The following CHD6 variants were observed in gnomAD, a reference collection of about 807,000 sequenced individuals.
The protein encoded by CHD6 is chromodomain helicase DNA binding protein 6, also known as ATP-dependent chromatin remodeler CHD6.
In CHD6, 50 loss-of-function variants were observed where a neutral mutation model predicts 276.9. The ratio of observed to expected loss-of-function variants is 0.18; its 90% CI spans 0.14 to 0.23. The LOEUF is 0.23. Among genes scored for constraint, CHD6 ranks in the 10% least tolerant of loss-of-function variants. The probability of loss-of-function intolerance (pLI) is 1.00; values close to 1 mark genes in which losing one functional copy is unlikely to be tolerated. For synonymous variants in CHD6, 1,173 were observed against 1,229.3 expected, an observed-to-expected ratio of 0.95 and a Z score of 0.96; for missense variants, 2,564 against 3,365.8, an observed-to-expected ratio of 0.76 and a Z score of 5.89.
chr20:41,417,168 G>A, intron 32 of CHD6, 30 bp downstream of exon 32: 2 of 1,592,720 alleles, frequency 1.3e-6, no homozygotes, highest in Non-Finnish European at 1.7e-6. Flanking sequence ...TGGTTTGGGG[G>A]TAGGGTGGGA....
chr20:41,512,613 T>TA (rs1011834745), intron 5 of CHD6, among the ~76,000 whole-genome samples: 6 of 152,018 alleles, frequency 3.9e-5, no homozygotes, highest in African/African-American at 1.2e-4. Context: ...ATTGTTTATC[T>TA]AAAAAAATGA....
chr20:41,518,637 T>G (rs2044310678), intron 3 of CHD6, among the ~76,000 whole-genome samples: 1 of 152,200 alleles, frequency 6.6e-6, no homozygotes. Flanking sequence ...GATACTCTAC[T>G]TGGGAAATCT....
intron 31 of CHD6, among the ~76,000 whole-genome samples, chr20:41,420,116 T>C (rs1438822915): frequency 2.6e-5 from 4 of 152,240 alleles, no homozygotes; most frequent in Non-Finnish European, 1.5e-5. Context: ...CCTGAAAAAT[T>C]AACTGCCCCT....
intron 29 of CHD6, among the ~76,000 whole-genome samples, chr20:41,424,832 T>C (rs973434986): frequency 7.2e-5 from 11 of 152,244 alleles, no homozygotes. Context: ...CAGTGCATAC[T>C]GTTCCCTTTG....
chr20:41,572,192 C>T (rs941953253), intron 1 of CHD6, among the ~76,000 whole-genome samples: 4 of 152,208 alleles, frequency 2.6e-5, no homozygotes, highest in African/African-American at 9.7e-5. Context: ...TGATGCTAAA[C>T]CTGGTCAGCA....
At chr20:41,470,071 C>T (rs147643284) in intron 17 of CHD6, among the ~76,000 whole-genome samples, 13 of 152,152 alleles carry the variant, frequency 8.5e-5, no homozygotes, top group Non-Finnish European at 1.5e-4. Flanking sequence ...TGCCAAGGGG[C>T]GTGGGAATGT....
At chr20:41,469,280 G>A (rs1245213853) in intron 17 of CHD6, among the ~76,000 whole-genome samples, 1 of 152,142 alleles carries the variant, frequency 6.6e-6, no homozygotes, top group African/African-American at 2.4e-5. Context: ...GCAGCAGGAA[G>A]GACGCAGAAC....
chr20:41,463,744 T>A (rs1436259998), intron 17 of CHD6, among the ~76,000 whole-genome samples: 1 of 152,214 alleles, frequency 6.6e-6, no homozygotes. Context: ...TGACCCTGGA[T>A]TGAATCCTGG....
chr20:41,529,348 C>T (rs192530899), intron 3 of CHD6, among the ~76,000 whole-genome samples: 34 of 152,164 alleles, frequency 2.2e-4, no homozygotes, highest in African/African-American at 6.0e-4. Context: ...CAATTAATGA[C>T]GGGAAAAGTA....
In CHD6 at chr20:41,491,814, C is replaced by T; in HGVS notation, c.1320G>A (p.Arg440=). The T allele has an allele frequency of 6.2e-7, 1 of 1,613,764 alleles. No individual in the cohort carries two copies. The highest frequency in any genetic ancestry group is 8.5e-7 in the Non-Finnish European group (1 of 1,179,762). ...GTTTCTGCCAGGAGTCTGAAGCAGGCCGCTCCTAGGGAGGAAAGCAAACAG... is the reference window on the plus strand; with the variant it reads ...GTTTCTGCCAGGAGTCTGAAGCAGGTCGCTCCTAGGGAGGAAAGCAAACAG... ...QVLPEIKHVE[R]PASDSWQKLE... Residue 440 remains arginine (R), a synonymous_variant, in exon 11 of 37, where the codon CGG becomes CGA. Transcript: ENST00000373233.
intron 1 of CHD6, among the ~76,000 whole-genome samples, chr20:41,554,962 CA>C (rs1170007735): frequency 6.6e-6 from 1 of 151,428 alleles, no homozygotes; most frequent in Non-Finnish European, 1.5e-5. Flanking sequence ...GGCAGCCGGG[CA>C]GAGGCGCCCC....
In CHD6 at chr20:41,491,760, A is replaced by G; in HGVS notation, c.1374T>C (p.Ser458=). The G allele has an allele frequency of 6.2e-7, 1 of 1,613,856 alleles. No individual in the cohort carries two copies. The highest frequency in any genetic ancestry group is 1.3e-5 in the African/African-American group (1 of 75,032). The change falls in exon 11 of 37, where the codon AGT becomes AGC. Residue 458 remains serine (S), a synonymous_variant. Transcript: ENST00000373233. ...CCAGCTGGTACTCCCGGAGCTGGTT[A>G]CTGTTCTTATACTCGCGAGACTTCT... ...KLEKSREYKN[S]NQLREYQLEG...
chr20:41,597,219 T>G (rs1013773240), intron 1 of CHD6, among the ~76,000 whole-genome samples: 2 of 152,160 alleles, frequency 1.3e-5, no homozygotes, highest in African/African-American at 4.8e-5. Context: ...TTCTGTTTCT[T>G]TTATCTCAAG....
At chr20:41,417,504 C>G (rs554959896) in intron 31 of CHD6, among the ~76,000 whole-genome samples, 155 bp from the exon 32 acceptor site, 1 of 152,172 alleles carries the variant, frequency 6.6e-6, no homozygotes, top group African/African-American at 2.4e-5. Context: ...TCTTCTATTT[C>G]CAGGAGAACC....
At chr20:41,591,377 T>TACACACACAAAC (rs879822257) in intron 1 of CHD6, among the ~76,000 whole-genome samples, 2 of 122,910 alleles carry the variant, frequency 1.6e-5, no homozygotes, top group Non-Finnish European at 3.1e-5. Flanking sequence ...TATATATATA[T>TACACACACAAAC]ATACACACAC....
At chr20:41,470,039 A>G (rs1321102839) in intron 17 of CHD6, among the ~76,000 whole-genome samples, 2 of 152,240 alleles carry the variant, frequency 1.3e-5, no homozygotes, top group African/African-American at 4.8e-5. Flanking sequence ...CTATATTTAT[A>G]GCACGTGGGT....
At chr20:41,487,861 C>T (rs2043454831) in intron 13 of CHD6, 53 bp from the exon 14 acceptor site, 21 of 1,566,786 alleles carry the variant, frequency 1.3e-5, no homozygotes, top group Non-Finnish European at 1.5e-5. Context: ...CAAAATAGTG[C>T]ATTTTCGTGG....
At chr20:41,499,253 T>A (rs1207609382) in intron 6 of CHD6, 42 bp downstream of exon 6, 2 of 1,466,144 alleles carry the variant, frequency 1.4e-6, no homozygotes, top group Non-Finnish European at 1.9e-6. Flanking sequence ...GAAGATGTAA[T>A]CTGTGCTAAT....
chr20:41,452,888 A>C lies in CHD6; in HGVS notation c.3175T>G (p.Ser1059Ala). The change falls in exon 21 of 37, where the codon TCG becomes GCG. Residue 1059 changes from serine (S) to alanine (A), a missense_variant. Physicochemically the swap from Ser to Ala is moderately conservative, Grantham distance 99. Transcript: ENST00000373233. The surrounding 1 kb of genome is among the most constrained non-coding windows in gnomAD (Gnocchi z 4.2). ...TCCATGAGCTCGTCTTCCTCAAACG[A>C]GTTGTAGTGTTTGGTCTGCTTTCTC... ...RVRKQTKHYN[S>A]FEEDELMEFS... The C allele has an allele frequency of 6.2e-7, 1 of 1,613,368 alleles. No individual in the cohort carries two copies. Among genetic ancestry groups the C allele is most frequent in the Non-Finnish European group, 8.5e-7 (1 of 1,179,904 alleles).
Sources: gnomAD v4.1 joint callset for allele counts (sites outside exome capture counted in the v4.1 genomes callset) on GRCh38, gnomAD v4.1.1 for gene constraint, Gnocchi (gnomAD v3.1) non-coding constraint, MANE v1.5 for transcripts, NCBI Gene and HGNC (gene_info 2026-07-23, HGNC 2026-07-21) for gene names.